PSD2: variants seen among roughly 807,000 people sequenced by gnomAD.
PSD2 encodes the protein PH and SEC7 domain-containing protein 2.
Under a neutral mutation model 69.8 loss-of-function variants are expected in PSD2, and 38 were observed. That is an observed-to-expected ratio of 0.54 (90% CI 0.42 to 0.71). The LOEUF (loss-of-function observed/expected upper bound fraction) is 0.71, where lower values mean the gene tolerates loss of function less well. Ranked by LOEUF, PSD2 falls within the 30% of genes least tolerant of loss-of-function variation. The pLI, the probability that PSD2 is intolerant of heterozygous loss-of-function variation, is 0.00. For synonymous variants in PSD2, 412 were observed against 423.0 expected (o/e 0.97, Z 0.32); for missense variants, 943 against 1,014.5 (o/e 0.93, Z 0.96).
At chr5:139,823,879 A>G (rs965669019) in intron 7 of PSD2, among the ~76,000 whole-genome samples, 3 of 152,250 alleles carry the variant, frequency 2.0e-5, no homozygotes, top group Non-Finnish European at 4.4e-5. Context: ...GTCTGCTGGC[A>G]GCCTGGGCTC....
At position 139,795,981 on chromosome 5, in the gene PSD2, T is replaced by TG. The variant is rs1759514139; in HGVS notation, c.-51+10dup. The TG allele has an allele frequency of 6.7e-6, 1 of 149,846 alleles. No individual in the cohort carries two copies. The highest frequency in any genetic ancestry group is 2.1e-4 in the South Asian group (1 of 4,790). The allele number at this position is 149,846 out of a possible 1,614,324, so 9.3% of individuals were successfully genotyped here. Reference sequence around the variant, plus strand: ...CGCGGCGGGGACCAGCAGCGGTGAGTGGGGCCGCGGGGCTCCGGGACCCGC... The same window carrying TG: ...CGCGGCGGGGACCAGCAGCGGTGAGTGGGGGCCGCGGGGCTCCGGGACCCGC... On this transcript the variant is annotated splice_region_variant and intron_variant, in intron 1 of 14. Transcript: ENST00000274710. The surrounding 1 kb of genome is among the most constrained non-coding windows in gnomAD (Gnocchi z 4.5).
Position 139,837,680 on chromosome 5 carries a change from G to A in PSD2, c.1721G>A (p.Arg574His), listed in dbSNP as rs561747989. The change falls in exon 12 of 15, where the codon CGC (arginine) becomes CAC (histidine). Residue 574 changes from arginine (R) to histidine (H), a missense_variant. By Grantham distance (29) the Arg-to-His change is conservative. Coordinates refer to ENST00000274710, the MANE Select transcript of PSD2 (RefSeq NM_032289.4). This position sits in a 1 kb window ranked among gnomAD's most constrained non-coding sequence, Gnocchi z 5.0. ...LSEGDLKNAIRVHHALATRAS... is the reference protein window; with the variant it reads ...LSEGDLKNAIHVHHALATRAS... ...GAGGGTGACCTGAAGAACGCCATTC[G>A]CGTGCATCACGCTCTGGCCACCAGG... 18 of 1,613,998 alleles carry A rather than the reference G, an allele frequency of 1.1e-5. No homozygotes were observed. In the East Asian group the frequency reaches 1.8e-4, roughly 16 times the overall value.
At chr5:139,752,261 A>G in the PSD2 span, among the ~76,000 whole-genome samples, 1 of 151,576 alleles carries the variant, frequency 6.6e-6, no homozygotes, top group East Asian at 1.9e-4. Context: ...CCATCCATCC[A>G]TGTCTCTTTT....
In PSD2 at chr5:139,830,521, TCTTCCTTCCTTC is replaced by T. The variant is rs534774072; in HGVS notation, c.1270-3145_1270-3134del. ...ATGTGCCATCATGCCCAGCTAATTTTCTTCCTTCCTTCCTTCCTTCCTTCCTTCCTTCCTTCC... is the reference window on the plus strand; with the variant it reads ...ATGTGCCATCATGCCCAGCTAATTTTCTTCCTTCCTTCCTTCCTTCCTTCC... On this transcript the variant is annotated intron_variant, in intron 7 of 14. Transcript: ENST00000274710. Among the ~76,000 whole-genome samples the T allele has an allele frequency of 2.2e-3, 218 of 97,014 alleles. 1 individual carries two copies. Among genetic ancestry groups the T allele is most frequent in the African/African-American group, 8.1e-3 (172 of 21,224 alleles). The allele number at this position is 97,014 out of a possible 152,430, so 63.6% of individuals were successfully genotyped here. A position where few individuals can be genotyped will look rare whatever the true frequency, so the allele number is the denominator to read the frequency against.
chr5:139,808,062 G>C (rs1016692437), intron 1 of PSD2, among the ~76,000 whole-genome samples: 35 of 152,242 alleles, frequency 2.3e-4, no homozygotes, highest in African/African-American at 7.7e-4. Flanking sequence ...AGGGCAGCCA[G>C]TGCCTCTCTT....
intron 12 of PSD2, 73 bp from the exon 13 acceptor site, chr5:139,838,555 G>C: frequency 6.5e-7 from 1 of 1,536,238 alleles, no homozygotes; most frequent in Non-Finnish European, 8.9e-7. Flanking sequence ...CCCAGTGCTG[G>C]GTACGGGATG....
intron 1 of PSD2, among the ~76,000 whole-genome samples, chr5:139,803,058 G>A (rs1759713575): frequency 6.6e-6 from 1 of 152,256 alleles, no homozygotes; most frequent in East Asian, 1.9e-4. Flanking sequence ...AAAGGGATGG[G>A]CATCTTTAAA....
chr5:139,765,037 C>T, the PSD2 span, among the ~76,000 whole-genome samples: 6 of 152,094 alleles, frequency 3.9e-5, no homozygotes, highest in Non-Finnish European at 8.8e-5. Context: ...CCCCACTTCT[C>T]ATAGATAATG....
At chr5:139,767,348 T>A in the PSD2 span, among the ~76,000 whole-genome samples, 1 of 151,952 alleles carries the variant, frequency 6.6e-6, no homozygotes, top group African/African-American at 2.4e-5. Context: ...AGAATCCCAC[T>A]CTATTGCCCA....
chr5:139,820,720 C>A (rs1429569246), intron 5 of PSD2, among the ~76,000 whole-genome samples: 1 of 152,160 alleles, frequency 6.6e-6, no homozygotes, highest in Non-Finnish European at 1.5e-5. Flanking sequence ...TTATATTGGG[C>A]CTTGAGGGAG....
intron 6 of PSD2, 60 bp from the exon 7 acceptor site, chr5:139,822,666 A>G: frequency 2.0e-6 from 3 of 1,478,244 alleles, no homozygotes; most frequent in Non-Finnish European, 2.8e-6. Context: ...TTCCGTCAGG[A>G]GACAGGGAGT....
chr5:139,821,755 G>A (rs531691393), intron 5 of PSD2, 138 bp from the exon 6 acceptor site: 2 of 524,836 alleles, frequency 3.8e-6, no homozygotes, highest in Admixed American at 3.4e-5. Context: ...TCCTGGGCGT[G>A]GAGAGAGCAT....
At chr5:139,783,555 A>C in the PSD2 span, among the ~76,000 whole-genome samples, 2 of 152,216 alleles carry the variant, frequency 1.3e-5, no homozygotes, top group African/African-American at 2.4e-5. Context: ...GTCGATGGAC[A>C]CCAGGTTGTT....
intron 1 of PSD2, among the ~76,000 whole-genome samples, chr5:139,804,958 T>C (rs1759763125): frequency 1.3e-5 from 2 of 151,520 alleles, no homozygotes; most frequent in East Asian, 1.9e-4. Context: ...TGTGCGTGTG[T>C]ATGTGTGCGT....
chr5:139,840,279 T>C, intron 14 of PSD2, 109 bp downstream of exon 14: 1 of 1,249,428 alleles, frequency 8.0e-7, no homozygotes, highest in Non-Finnish European at 1.1e-6. Flanking sequence ...AGGGGCTCAT[T>C]GATGTGGGAG....
upstream of PSD2, among the ~76,000 whole-genome samples, chr5:139,792,202 G>A (rs1759426472): frequency 6.6e-6 from 1 of 152,170 alleles, no homozygotes; most frequent in Non-Finnish European, 1.5e-5. Flanking sequence ...CAACAAAGCT[G>A]TGAACACAGT....
the PSD2 span, among the ~76,000 whole-genome samples, chr5:139,773,916 C>A: frequency 6.6e-6 from 1 of 151,894 alleles, no homozygotes; most frequent in Non-Finnish European, 1.5e-5. Context: ...TGGCTGAACC[C>A]TTTTATATTC....
At chr5:139,805,113 C>A (rs1298193838) in intron 1 of PSD2, among the ~76,000 whole-genome samples, 1 of 152,152 alleles carries the variant, frequency 6.6e-6, no homozygotes, top group Non-Finnish European at 1.5e-5. Context: ...CCTACCCATA[C>A]CTGTATTGTA....
the PSD2 span, among the ~76,000 whole-genome samples, chr5:139,761,377 T>C: frequency 2.0e-5 from 3 of 152,180 alleles, no homozygotes; most frequent in African/African-American, 7.2e-5. Flanking sequence ...ATCAGTGTTG[T>C]AGAATTTCTG....
Sources: allele counts gnomAD v4.1 joint callset (sites outside exome capture counted in the v4.1 genomes callset), GRCh38; gene constraint gnomAD v4.1.1; non-coding constraint Gnocchi (gnomAD v3.1); transcripts MANE v1.5; gene names NCBI Gene and HGNC (gene_info 2026-07-23, HGNC 2026-07-21).